The following NIBAN2 variants were observed in gnomAD, a reference collection of about 807,000 sequenced individuals.
The protein encoded by NIBAN2 is niban apoptosis regulator 2, also known as protein Niban 2.
NIBAN2 carries 36 observed loss-of-function variants against 81.8 expected under a neutral mutation model. The ratio of observed to expected loss-of-function variants is 0.44; its 90% confidence interval spans 0.34 to 0.58. The LOEUF is 0.58. Among genes scored for constraint, NIBAN2 ranks in the 20% least tolerant of loss-of-function variants. The pLI, the probability that NIBAN2 is intolerant of heterozygous loss-of-function variation, is 0.02. For synonymous variants in NIBAN2, 445 were observed against 441.6 expected (o/e 1.01, Z -0.10); for missense variants, 897 against 1,014.1 (o/e 0.88, Z 1.57).
In NIBAN2 at chr9:127,508,457, T is replaced by G. The variant is rs1246109495; in HGVS notation, c.1399A>C (p.Lys467Gln). ...GKGPTKEELC[K>Q]SIQRVLERVL... Reference sequence around the variant, plus strand: ...CGCTCCAGGACCCGCTGGATGGACTTGCACAGCTCCTCCTTGGTGGGCCCC... The same window carrying G: ...CGCTCCAGGACCCGCTGGATGGACTGGCACAGCTCCTCCTTGGTGGGCCCC... Residue 467 changes from lysine (K) to glutamine (Q), a missense_variant, in exon 11 of 14, where the codon AAG becomes CAG. This residue lies in a region of NIBAN2 where 619 missense variants were observed against 691.0 expected (regional missense o/e 0.90). Coordinates refer to ENST00000373312, the MANE Select transcript of NIBAN2 (RefSeq NM_022833.4). The surrounding 1 kb of genome is among the most constrained non-coding windows in gnomAD (Gnocchi z 6.4). 6 of 1,613,398 alleles carry G rather than the reference T, an allele frequency of 3.7e-6. No individual in the cohort carries two copies. The highest frequency in any genetic ancestry group is 5.1e-6 in the Non-Finnish European group (6 of 1,179,986).
At chr9:127,549,451 A>G (rs1489925507) in intron 1 of NIBAN2, among the ~76,000 whole-genome samples, 1 of 152,140 alleles carries the variant, frequency 6.6e-6, no homozygotes, top group Non-Finnish European at 1.5e-5. Context: ...ACACACACGC[A>G]CATTCACACA....
At chr9:127,572,455 A>C (rs867201932), upstream of NIBAN2, among the ~76,000 whole-genome samples, 1 of 152,218 alleles carries the variant, frequency 6.6e-6, no homozygotes, top group South Asian at 2.1e-4. Context: ...AAATAAATAA[A>C]ATGACTTCAG....
chr9:127,569,140 C>A (rs1243897216), upstream of NIBAN2: 6 of 919,796 alleles, frequency 6.5e-6, no homozygotes, highest in Non-Finnish European at 5.2e-6. Flanking sequence ...CACGCCCCCG[C>A]AGGCCAACCC....
chr9:127,530,148 T>C (rs1837150787), intron 2 of NIBAN2, among the ~76,000 whole-genome samples: 1 of 152,198 alleles, frequency 6.6e-6, no homozygotes, highest in Non-Finnish European at 1.5e-5. Context: ...ACCACACAGA[T>C]ACGCACCTGC....
chr9:127,512,083 C>A (rs1004316651), intron 8 of NIBAN2, among the ~76,000 whole-genome samples: 6 of 152,162 alleles, frequency 3.9e-5, no homozygotes, highest in Admixed American at 1.3e-4. Context: ...ACCCACCTCC[C>A]GTTCTATTCA....
chr9:127,527,565 GC>G (rs1239393581), intron 2 of NIBAN2, among the ~76,000 whole-genome samples: 3 of 152,216 alleles, frequency 2.0e-5, no homozygotes, highest in African/African-American at 7.2e-5. Flanking sequence ...GGGTGGTGAT[GC>G]CAGGACTTGA....
rs1375164464 is a variant in NIBAN2 at position 127,508,839 on chromosome 9, A to G, written c.1317+137T>C. 1.0e-6 allele frequency: 1 copy of G among 998,670 alleles called. No individual in the cohort carries two copies. The highest frequency in any genetic ancestry group is 1.5e-6 in the Non-Finnish European group (1 of 656,276). 61.9% of individuals were successfully genotyped at this position (998,670 alleles called of 1,614,324 possible). On this transcript the variant is annotated intron_variant, in intron 10 of 13. Coordinates refer to ENST00000373312, the MANE Select transcript of NIBAN2 (RefSeq NM_022833.4). This position sits in a 1 kb window ranked among gnomAD's most constrained non-coding sequence, Gnocchi z 6.4. ...AGGTGGGCAGAGGCACAGATGTTCC[A>G]AGCAGAGGAGGAGAGAGCGTGCCAG...
chr9:127,549,812 G>A (rs962652762), intron 1 of NIBAN2, among the ~76,000 whole-genome samples: 3 of 152,178 alleles, frequency 2.0e-5, no homozygotes, highest in Non-Finnish European at 2.9e-5. Flanking sequence ...TAAGCTCAGC[G>A]AGCAGCAGGT....
intron 5 of NIBAN2, among the ~76,000 whole-genome samples, chr9:127,518,228 T>C (rs900676163): frequency 2.6e-5 from 4 of 152,288 alleles, no homozygotes; most frequent in South Asian, 2.1e-4. Flanking sequence ...ATTCACCTTA[T>C]TGCTTTACAG....
At chr9:127,521,066 C>T (rs1472097282) in intron 5 of NIBAN2, among the ~76,000 whole-genome samples, 1 of 152,124 alleles carries the variant, frequency 6.6e-6, no homozygotes, top group African/African-American at 2.4e-5. Flanking sequence ...ACTCAGACCT[C>T]CAGCTGGGAG....
At chr9:127,515,052 C>G (rs531916015) in intron 8 of NIBAN2, among the ~76,000 whole-genome samples, 91 of 152,218 alleles carry the variant, frequency 6.0e-4, no homozygotes, top group African/African-American at 2.1e-3. Context: ...AGCCAAGACC[C>G]CTTTCTCTAC....
At chr9:127,539,464 G>T (rs912327976) in intron 1 of NIBAN2, among the ~76,000 whole-genome samples, 3 of 152,220 alleles carry the variant, frequency 2.0e-5, no homozygotes, top group African/African-American at 7.2e-5. Context: ...ACAGCTGGCA[G>T]GTGTCAGAGC....
intron 1 of NIBAN2, among the ~76,000 whole-genome samples, chr9:127,538,853 G>A (rs1247426999): frequency 1.3e-5 from 2 of 150,622 alleles, no homozygotes; most frequent in Admixed American, 6.7e-5. Context: ...ACTGAGGCAG[G>A]ATAATTGCTT....
In NIBAN2 at chr9:127,508,004, A is replaced by C. The variant is rs1836644264; in HGVS notation, c.1543-26T>G. On this transcript the variant is annotated intron_variant, in intron 12 of 13. Coordinates refer to ENST00000373312, the MANE Select transcript of NIBAN2 (RefSeq NM_022833.4). This position sits in a 1 kb window ranked among gnomAD's most constrained non-coding sequence, Gnocchi z 6.4. ...CTGCCCGGGTGGGGCGGCAGAGATG[A>C]GAGGTCAGGGCCAAGGGTAGAGGGA... 1 of 1,613,194 alleles carries C rather than the reference A, an allele frequency of 6.2e-7. No individual in the cohort carries two copies. The highest frequency in any genetic ancestry group is 1.1e-5 in the South Asian group (1 of 91,062).
chr9:127,540,006 C>T (rs376874033), intron 1 of NIBAN2, among the ~76,000 whole-genome samples: 1 of 152,170 alleles, frequency 6.6e-6, no homozygotes. Context: ...AGCCCTTTAC[C>T]CTGGCAAGAA....
intron 1 of NIBAN2, among the ~76,000 whole-genome samples, chr9:127,561,985 G>A (rs1837781807): frequency 6.6e-6 from 1 of 152,226 alleles, no homozygotes; most frequent in Admixed American, 6.5e-5. Context: ...AGGAATTTCT[G>A]CAACCGCAGG....
chr9:127,568,863 C>T lies in NIBAN2; in HGVS notation c.12G>A (p.Val4=), dbSNP rs1837905203. Reference sequence around the variant, plus strand: ...GGGCGTCGTCCAGGTGCGTGGACAGCACGTCCCCCATGGCCAGGAGGTGTC... The same window carrying T: ...GGGCGTCGTCCAGGTGCGTGGACAGTACGTCCCCCATGGCCAGGAGGTGTC... MGD[V]LSTHLDDARR... is the part of the protein sequence containing the mutation. Residue 4 remains valine (V), a synonymous_variant, in exon 1 of 14, where the codon GTG becomes GTA. Coordinates refer to ENST00000373312, the MANE Select transcript of NIBAN2 (RefSeq NM_022833.4). The T allele has an allele frequency of 1.5e-6, 2 of 1,360,142 alleles. No individual in the cohort carries two copies. The highest frequency in any genetic ancestry group is 1.5e-5 in the African/African-American group (1 of 65,516). 84.3% of individuals were successfully genotyped at this position (1,360,142 alleles called of 1,614,324 possible).
At chr9:127,574,866 G>A (rs1564324679) in intron 1 of NIBAN2, among the ~76,000 whole-genome samples, 2 of 152,130 alleles carry the variant, frequency 1.3e-5, no homozygotes, top group African/African-American at 2.4e-5. Context: ...AGCCTGTTCC[G>A]TCTGTCACCT....
chr9:127,523,113 A>G, intron 5 of NIBAN2, among the ~76,000 whole-genome samples: 1 of 144,556 alleles, frequency 6.9e-6, no homozygotes, highest in African/African-American at 2.6e-5. Context: ...GATGAGAGCA[A>G]TGAGGCCCTG....
Sources: gnomAD v4.1 joint callset for allele counts (sites outside exome capture counted in the v4.1 genomes callset) on GRCh38, gnomAD v4.1.1 for gene constraint, gnomAD v4.1.1 regional missense constraint, Gnocchi (gnomAD v3.1) non-coding constraint, MANE v1.5 for transcripts, NCBI Gene and HGNC (gene_info 2026-07-23, HGNC 2026-07-21) for gene names.